AQR: variants seen among roughly 807,000 people sequenced by gnomAD.
The protein encoded by AQR is aquarius intron-binding spliceosomal factor, also known as RNA helicase aquarius.
A neutral mutation model predicts 180.5 loss-of-function variants in AQR; 61 were observed. The observed-to-expected ratio is 0.34, with a 90% CI of 0.28 to 0.42. The LOEUF is 0.42. Ranked by LOEUF, AQR falls within the 10% of genes least tolerant of loss-of-function variation. AQR has a pLI of 1.00. For missense variants in AQR, 1,281 were observed against 1,798.3 expected (o/e 0.71, Z 5.20); for synonymous variants, 551 against 588.8 (o/e 0.94, Z 0.93).
At chr15:34,901,381 T>TA (rs1893328963) in intron 19 of AQR, among the ~76,000 whole-genome samples, 1 of 151,654 alleles carries the variant, frequency 6.6e-6, no homozygotes, top group Non-Finnish European at 1.5e-5. Context: ...TGAGAAGAAA[T>TA]AAAAAAGCGA....
intron 18 of AQR, among the ~76,000 whole-genome samples, chr15:34,905,614 C>T (rs1305469605): frequency 2.7e-5 from 4 of 150,512 alleles, no homozygotes; most frequent in African/African-American, 1.0e-4. Context: ...TATCACTATG[C>T]ATTTTCAAAC....
At chr15:34,937,756 C>T (rs1240555727) in intron 9 of AQR, among the ~76,000 whole-genome samples, 4 of 151,886 alleles carry the variant, frequency 2.6e-5, no homozygotes, top group South Asian at 2.1e-4. Context: ...TGGTGGCACA[C>T]GCCTGTAACT....
Position 34,900,692 on chromosome 15 carries a change from T to C in AQR, c.2173A>G (p.Lys725Glu). The C allele has an allele frequency of 6.2e-7, 1 of 1,614,186 alleles. No homozygotes were observed. Among genetic ancestry groups the C allele is most frequent in the Non-Finnish European group, 8.5e-7 (1 of 1,180,034 alleles). The change falls in exon 20 of 35, where the codon AAA becomes GAA. Residue 725 changes from lysine to glutamate, a missense_variant. Lys to Glu is a moderately conservative substitution (Grantham distance 56). Around this residue, in one of 9 missense-constraint regions of AQR, gnomAD observed 112 missense variants for 128.6 expected, o/e 0.87. Transcript: ENST00000156471. ...NDTFLSIEHL[K>E]ASFPGHNVKV... Reference sequence around the variant, plus strand: ...ACATTATGACCAGGGAAGCTGGCTTTTAAATGCTCAATGGAGAGAAATGTA... The same window carrying C: ...ACATTATGACCAGGGAAGCTGGCTTCTAAATGCTCAATGGAGAGAAATGTA...
At chr15:34,950,069 C>T (rs1204141515) in intron 4 of AQR, among the ~76,000 whole-genome samples, 1 of 143,268 alleles carries the variant, frequency 7.0e-6, no homozygotes, top group African/African-American at 2.6e-5. Context: ...ATTTTTACTT[C>T]TCTTTGCTAT....
chr15:34,943,294 T>C (rs770320650), intron 6 of AQR: 61 of 1,560,614 alleles, frequency 3.9e-5, no homozygotes, highest in East Asian at 1.3e-4. Context: ...CTTGAGTGCA[T>C]TGAGCCCAAC....
In AQR at chr15:34,854,231, G is replaced by A. The variant is rs1244219224; in HGVS notation, c.*2561C>T. 1 of 151,458 alleles carries A rather than the reference G, an allele frequency of 6.6e-6. No individual in the cohort carries two copies. The highest frequency in any genetic ancestry group is 1.5e-5 in the Non-Finnish European group (1 of 67,900). 9.4% of individuals were successfully genotyped at this position (151,458 alleles called of 1,614,324 possible). ...ATTTCATGCTCATTCTTTTGGGCAT[G>A]GCTCTTTTTGGTTTTCTTTACAAAG... On this transcript the variant is annotated 3_prime_UTR_variant, in exon 35 of 35. Coordinates refer to ENST00000156471, the MANE Select transcript of AQR (RefSeq NM_014691.3).
At chr15:34,942,583 A>G (rs1461882650) in intron 6 of AQR, among the ~76,000 whole-genome samples, 1 of 152,246 alleles carries the variant, frequency 6.6e-6, no homozygotes, top group Non-Finnish European at 1.5e-5. Flanking sequence ...GAAGGCTGTG[A>G]TATGTCTTAC....
intron 13 of AQR, among the ~76,000 whole-genome samples, chr15:34,923,234 A>C (rs1392816881): frequency 6.6e-6 from 1 of 152,182 alleles, no homozygotes; most frequent in Admixed American, 6.5e-5. Context: ...CACAGTATAT[A>C]TAGGGTTCAG....
intron 11 of AQR, among the ~76,000 whole-genome samples, chr15:34,931,143 T>C (rs1205813582): frequency 6.6e-6 from 1 of 152,102 alleles, no homozygotes; most frequent in Admixed American, 6.6e-5. Context: ...GCTGTGCTGC[T>C]TCTTTTAGGG....
At position 34,940,975 on chromosome 15, in the gene AQR, T is replaced by C. The variant is rs756553043; in HGVS notation, c.565A>G (p.Lys189Glu). 2 of 1,607,516 alleles carry C rather than the reference T, an allele frequency of 1.2e-6. No individual in the cohort carries two copies. The highest frequency in any genetic ancestry group is 2.2e-5 in the East Asian group (1 of 44,798). Residue 189 changes from lysine (K) to glutamate (E), a missense_variant, in exon 8 of 35, where the codon AAG becomes GAG. Physicochemically the swap from Lys to Glu is moderately conservative, Grantham distance 56. Around this residue, in one of 9 missense-constraint regions of AQR, gnomAD observed 404 missense variants for 490.9 expected, o/e 0.82. Coordinates refer to ENST00000156471, the MANE Select transcript of AQR (RefSeq NM_014691.3). ...CAGAATTTTCTTAGCTTAGGTGTCT[T>C]TTTTAATTCTAATTCCAATCGTGCC... Reference protein sequence around the residue: ...QLARLELELKKTPKLRKFWNL... With the variant: ...QLARLELELKETPKLRKFWNL...
rs1361555295 is a variant in AQR, at chr15:34,856,922, C to T, written c.4328G>A (p.Gly1443Glu). ...FQTDTTPSET[G>E]ATSTPEAIPA... ...GATGGCTTCTGGAGTGGAAGTGGCT[C>T]CTGTCTCACTGGGGGTGGTGTCAGT... is the stretch of plus-strand genomic sequence containing the variant. Residue 1443 changes from glycine to glutamate, a missense_variant, in exon 35 of 35, where the codon GGA (glycine) becomes GAA (glutamate). Around this residue, in one of 9 missense-constraint regions of AQR, gnomAD observed 182 missense variants for 185.3 expected, o/e 0.98. Coordinates refer to ENST00000156471, the MANE Select transcript of AQR (RefSeq NM_014691.3). The T allele has an allele frequency of 6.2e-7, 1 of 1,614,048 alleles. No individual in the cohort carries two copies. The highest frequency in any genetic ancestry group is 8.5e-7 in the Non-Finnish European group (1 of 1,180,002).
intron 11 of AQR, among the ~76,000 whole-genome samples, chr15:34,930,703 TTATC>T (rs1390298932): frequency 1.3e-5 from 2 of 152,152 alleles, no homozygotes; most frequent in East Asian, 3.8e-4. Context: ...AACATCTATC[TTATC>T]TATCTACATC....
At position 34,966,324 on chromosome 15, in the gene AQR, A is replaced by G. The variant is rs1421669984; in HGVS notation, c.76-2034T>C. 5.9e-5 allele frequency among the ~76,000 whole-genome samples: 9 copies of G among 152,330 alleles called. No individual in the cohort carries two copies. The South Asian group carries it at 1.9e-3, about 32-fold the overall frequency. On this transcript the variant is annotated intron_variant, in intron 1 of 34. Transcript: ENST00000156471. ...ATGCCAGATGCTCAGAAATTAAATT[A>G]AAAAGAAAGAAGAAGAAAACACCTA...
Position 34,903,590 on chromosome 15 carries a change from G to A in AQR, c.2001+746C>T, listed in dbSNP as rs1223050281. On this transcript the variant is annotated intron_variant, in intron 19 of 34. Coordinates refer to ENST00000156471, the MANE Select transcript of AQR (RefSeq NM_014691.3). ...AACAACAGGGAGAGATGAAGAACAAGTTCTGCTGTTCAAAAGATTTTCTTA... is the reference window on the plus strand; with the variant it reads ...AACAACAGGGAGAGATGAAGAACAAATTCTGCTGTTCAAAAGATTTTCTTA... 2.0e-5 allele frequency among the ~76,000 whole-genome samples: 3 copies of A among 152,028 alleles called. No individual in the cohort carries two copies. In the South Asian group the frequency reaches 6.2e-4, roughly 32 times the overall value.
chr15:34,944,499 G>A lies in AQR; in HGVS notation c.331-71C>T. On this transcript the variant is annotated intron_variant, in intron 5 of 34. Coordinates refer to ENST00000156471, the MANE Select transcript of AQR (RefSeq NM_014691.3). ...TTAAGCTTTAAAGAAGCCCTAGTAG[G>A]CTTTTTAGCAGTCTATTAAAAAAAC... 4 of 1,447,186 alleles carry A rather than the reference G, an allele frequency of 2.8e-6. No homozygotes were observed. The South Asian group carries it at 5.9e-5, about 21-fold the overall frequency. 89.6% of individuals were successfully genotyped at this position (1,447,186 alleles called of 1,614,324 possible).
intron 27 of AQR, among the ~76,000 whole-genome samples, chr15:34,877,530 T>C (rs1892904932): frequency 6.6e-6 from 1 of 152,178 alleles, no homozygotes; most frequent in African/African-American, 2.4e-5. Context: ...GAATTCAAAC[T>C]CTCACATTTT....
At chr15:34,959,016 G>GATATAGATATAGATATAGATATAGAT (rs1894375706) in intron 3 of AQR, among the ~76,000 whole-genome samples, 1 of 77,842 alleles carries the variant, frequency 1.3e-5, no homozygotes, top group Admixed American at 1.2e-4. Context: ...TATAGATATA[G>GATATAGATATAGATATAGATATAGAT]ATATAGATAT....
chr15:34,882,735 CATAAAT>C, intron 26 of AQR, 96 bp from the exon 27 acceptor site: 1 of 1,091,124 alleles, frequency 9.2e-7, no homozygotes, highest in Non-Finnish European at 1.3e-6. Flanking sequence ...GAGAAATTAA[CATAAAT>C]ATATTATAAA....
chr15:34,935,705 T>C (rs949403017), intron 9 of AQR, among the ~76,000 whole-genome samples: 4 of 152,202 alleles, frequency 2.6e-5, no homozygotes, highest in Non-Finnish European at 5.9e-5. Context: ...TAGATCTTCA[T>C]TTTCTAGGTA....
Sources: gnomAD v4.1 joint callset for allele counts (sites outside exome capture counted in the v4.1 genomes callset) on GRCh38, gnomAD v4.1.1 for gene constraint, gnomAD v4.1.1 regional missense constraint, MANE v1.5 for transcripts, NCBI Gene and HGNC (gene_info 2026-07-23, HGNC 2026-07-21) for gene names.